The following HCRTR2 variants were observed in gnomAD, a reference collection of about 807,000 sequenced individuals.
HCRTR2 encodes the protein hypocretin receptor 2.
A neutral mutation model predicts 49.0 loss-of-function variants in HCRTR2; 22 were observed. The ratio of observed to expected loss-of-function variants is 0.45; its 90% CI spans 0.32 to 0.64. HCRTR2 has a LOEUF of 0.64. HCRTR2 is among the 30% of genes least tolerant of loss of function. The pLI is 0.04. For missense variants in HCRTR2, 491 were observed against 559.4 expected (o/e 0.88, Z 1.23); for synonymous variants, 236 against 205.3 (o/e 1.15, Z -1.28).
intron 3 of HCRTR2, among the ~76,000 whole-genome samples, chr6:55,262,318 AAT>A (rs1333395668): frequency 1.4e-5 from 2 of 142,484 alleles, no homozygotes; most frequent in Non-Finnish European, 3.0e-5. Flanking sequence ...ATAATATATA[AAT>A]ATATATTATA....
intron 1 of HCRTR2, among the ~76,000 whole-genome samples, chr6:55,205,440 A>G (rs779823662): frequency 1.3e-5 from 2 of 152,148 alleles, no homozygotes; most frequent in African/African-American, 4.8e-5. Flanking sequence ...AATGCTACTG[A>G]TAAGTAAAGT....
At chr6:55,160,542 A>G (rs1280229853) in intron 1 of HCRTR2, among the ~76,000 whole-genome samples, 1 of 152,230 alleles carries the variant, frequency 6.6e-6, no homozygotes, top group African/African-American at 2.4e-5. Context: ...CAGACTGGCA[A>G]ATTGGATAGA....
intron 1 of HCRTR2, among the ~76,000 whole-genome samples, chr6:55,201,701 C>T (rs1264545640): frequency 3.3e-5 from 5 of 152,024 alleles, no homozygotes; most frequent in Admixed American, 2.0e-4. Context: ...ATATGCAATG[C>T]TTAAGGGGAA....
intron 1 of HCRTR2, among the ~76,000 whole-genome samples, chr6:55,115,999 TAAATCCAA>T (rs1175815892): frequency 6.6e-6 from 1 of 151,790 alleles, no homozygotes; most frequent in East Asian, 1.9e-4. Flanking sequence ...CAAGAATTTT[TAAATCCAA>T]ATTTATTTCT....
intron 1 of HCRTR2, among the ~76,000 whole-genome samples, chr6:55,141,068 C>T (rs972518141): frequency 1.3e-5 from 2 of 152,012 alleles, no homozygotes; most frequent in Non-Finnish European, 2.9e-5. Flanking sequence ...GGTGCGACGG[C>T]TCATGCCTGT....
intron 1 of HCRTR2, among the ~76,000 whole-genome samples, chr6:55,145,437 T>A (rs567404595): frequency 6.6e-6 from 1 of 150,934 alleles, no homozygotes; most frequent in Non-Finnish European, 1.5e-5. Context: ...TTGAGACGGA[T>A]TCTTGCTCAG....
At chr6:55,140,898 C>T (rs1216194115) in intron 1 of HCRTR2, among the ~76,000 whole-genome samples, 4 of 152,224 alleles carry the variant, frequency 2.6e-5, no homozygotes, top group Non-Finnish European at 4.4e-5. Context: ...AGATTAGGCA[C>T]GTAGAGGAAA....
intron 1 of HCRTR2, among the ~76,000 whole-genome samples, chr6:55,187,444 A>G (rs12206461): frequency 0.032 from 4,658 of 144,056 alleles, 173 homozygotes; most frequent in Non-Finnish European, 0.046. Context: ...AAAAAAAAAA[A>G]AAAAAGAAAA....
chr6:55,229,551 C>A (rs1387864821), intron 1 of HCRTR2, among the ~76,000 whole-genome samples: 1 of 152,038 alleles, frequency 6.6e-6, no homozygotes, highest in Non-Finnish European at 1.5e-5. Context: ...TATTATTCAG[C>A]CTTAAAAAAG....
At chr6:55,242,252 G>T (rs1766350322) in intron 1 of HCRTR2, among the ~76,000 whole-genome samples, 1 of 152,014 alleles carries the variant, frequency 6.6e-6, no homozygotes, top group Non-Finnish European at 1.5e-5. Context: ...ATAGTTCAAT[G>T]ACATTAAGTA....
At chr6:55,149,598 C>A (rs1764637757) in intron 1 of HCRTR2, among the ~76,000 whole-genome samples, 1 of 152,006 alleles carries the variant, frequency 6.6e-6, no homozygotes, top group Admixed American at 6.6e-5. Context: ...AATGTAAACC[C>A]TTTAATGCAG....
chr6:55,146,580 A>T (rs1354664787), intron 1 of HCRTR2, among the ~76,000 whole-genome samples: 1 of 40,788 alleles, frequency 2.5e-5, no homozygotes, highest in Non-Finnish European at 1.2e-4. Context: ...AAGGTTAGTT[A>T]AAAAAAAAAA....
intron 1 of HCRTR2, among the ~76,000 whole-genome samples, chr6:55,162,083 C>T (rs998904000): frequency 6.6e-6 from 1 of 152,142 alleles, no homozygotes; most frequent in Non-Finnish European, 1.5e-5. Flanking sequence ...ACGCAAAAAT[C>T]CTCAATAAAA....
chr6:55,120,657 G>A (rs1020869689), intron 1 of HCRTR2, among the ~76,000 whole-genome samples: 1 of 151,198 alleles, frequency 6.6e-6, no homozygotes, highest in Non-Finnish European at 1.5e-5. Context: ...TTGGAGCTGA[G>A]ATGATAGGGT....
intron 3 of HCRTR2, among the ~76,000 whole-genome samples, chr6:55,263,032 C>A (rs1181969574): frequency 2.0e-5 from 3 of 151,454 alleles, no homozygotes; most frequent in Non-Finnish European, 4.4e-5. Flanking sequence ...CCTTAAAATT[C>A]TCATTTTTAT....
intron 1 of HCRTR2, among the ~76,000 whole-genome samples, chr6:55,165,425 C>T (rs1764862884): frequency 6.6e-6 from 1 of 151,714 alleles, no homozygotes; most frequent in Admixed American, 6.6e-5. Context: ...ATTGGGTATG[C>T]AAAAAATGAA....
intron 1 of HCRTR2, among the ~76,000 whole-genome samples, chr6:55,181,123 A>G (rs1765126635): frequency 6.6e-6 from 1 of 151,222 alleles, no homozygotes; most frequent in African/African-American, 2.4e-5. Context: ...GTCAATTTCT[A>G]TATCACCGGA....
At chr6:55,199,399 TG>T (rs1765471466) in intron 1 of HCRTR2, among the ~76,000 whole-genome samples, 2 of 152,166 alleles carry the variant, frequency 1.3e-5, no homozygotes, top group South Asian at 4.1e-4. Context: ...GGTGGTCTTC[TG>T]TCTCAGGCAA....
intron 3 of HCRTR2, among the ~76,000 whole-genome samples, chr6:55,263,159 T>C (rs1259808101): frequency 6.6e-6 from 1 of 152,064 alleles, no homozygotes; most frequent in African/African-American, 2.4e-5. Context: ...TTGTCAAATT[T>C]GTATTGTATT....
Sources: allele counts gnomAD v4.1 joint callset (sites outside exome capture counted in the v4.1 genomes callset), GRCh38; gene constraint gnomAD v4.1.1; transcripts MANE v1.5; gene names NCBI Gene and HGNC (gene_info 2026-07-23, HGNC 2026-07-21).